Variants in EP400 observed in about 807,000 individuals in gnomAD.
The protein encoded by EP400 is E1A binding protein p400, also known as E1A-binding protein p400.
A neutral mutation model predicts 354.1 loss-of-function variants in EP400; 105 were observed. The ratio of observed to expected loss-of-function variants is 0.30; its 90% CI spans 0.25 to 0.35. The LOEUF is 0.35. EP400 is among the 10% of genes least tolerant of loss of function. The probability of loss-of-function intolerance (pLI) is 1.00; values close to 1 mark genes in which losing one functional copy is unlikely to be tolerated. For synonymous variants in EP400, 1,646 were observed against 1,716.9 expected, an observed-to-expected ratio of 0.96 and a Z score of 1.02; for missense variants, 3,280 against 4,121.0, an observed-to-expected ratio of 0.80 and a Z score of 5.59.
At chr12:131,996,951 C>T (rs969171526) in intron 12 of EP400, among the ~76,000 whole-genome samples, 27 of 152,112 alleles carry the variant, frequency 1.8e-4, no homozygotes, top group African/African-American at 5.6e-4. Context: ...CGATGAAAGG[C>T]GTTCTTAATT....
intron 12 of EP400, among the ~76,000 whole-genome samples, chr12:131,995,453 A>G (rs1185975541): frequency 1.9e-4 from 25 of 130,660 alleles, no homozygotes; most frequent in South Asian, 2.5e-4. Context: ...GACTGAATGT[A>G]CCGTTCATCT....
Position 132,016,940 on chromosome 12 carries a change from G to A in EP400, c.3924-595G>A, listed in dbSNP as rs564264827. Among the ~76,000 whole-genome samples, 5 of 152,224 alleles carry A rather than the reference G, an allele frequency of 3.3e-5. No homozygotes were observed. The East Asian group carries it at 5.8e-4, about 18-fold the overall frequency. ...TCTCTCTCCCGACCAGTTACCTGTC[G>A]TCACTATCACCCCGGTTTCCTCCCT... On this transcript the variant is annotated intron_variant, in intron 19 of 52. Coordinates refer to ENST00000389561, the MANE Select transcript of EP400 (RefSeq NM_015409.5).
chr12:132,044,303 T>C lies in EP400; in HGVS notation c.6577T>C (p.Tyr2193His), dbSNP rs1372802807. Residue 2193 changes from tyrosine to histidine, a missense_variant, in exon 35 of 53, where the codon TAC becomes CAC. Coordinates refer to ENST00000389561, the MANE Select transcript of EP400 (RefSeq NM_015409.5). ...ELLTYTREDA[Y>H]SMEYVYEDVD... Reference sequence around the variant, plus strand: ...CCTGACCTACACGCGAGAGGATGCCTACAGCATGGTACCCGGCCCGGGGCC... The same window carrying C: ...CCTGACCTACACGCGAGAGGATGCCCACAGCATGGTACCCGGCCCGGGGCC... 6.2e-7 allele frequency: 1 copy of C among 1,613,176 alleles called. No individual in the cohort carries two copies. Among genetic ancestry groups the C allele is most frequent in the African/African-American group, 1.3e-5 (1 of 75,050 alleles).
In EP400 at chr12:131,990,790, C is replaced by T; in HGVS notation, c.2629+76C>T. ...GATTCTTTTCTCAGCAGGCAGTCTC[C>T]TGGCGCTGTGGCTTCCCACAGAGGA... On this transcript the variant is annotated intron_variant, in intron 9 of 52. Coordinates refer to ENST00000389561, the MANE Select transcript of EP400 (RefSeq NM_015409.5). This position sits in a 1 kb window ranked among gnomAD's most constrained non-coding sequence, Gnocchi z 4.2. 1 of 1,117,506 alleles carries T rather than the reference C, an allele frequency of 8.9e-7. No homozygotes were observed. Among genetic ancestry groups the T allele is most frequent in the Non-Finnish European group, 1.3e-6 (1 of 754,982 alleles). 69.2% of individuals were successfully genotyped at this position (1,117,506 alleles called of 1,614,324 possible). A position where few individuals can be genotyped will look rare whatever the true frequency, so the allele number is the denominator to read the frequency against.
intron 1 of EP400, among the ~76,000 whole-genome samples, chr12:131,953,851 G>A (rs1358176476): frequency 6.6e-6 from 1 of 152,056 alleles, no homozygotes; most frequent in Non-Finnish European, 1.5e-5. Flanking sequence ...GGTGGCTCAC[G>A]CCTGTAATCC....
chr12:132,073,923 T>TTG (rs1286778474), intron 51 of EP400, among the ~76,000 whole-genome samples: 55 of 124,126 alleles, frequency 4.4e-4, no homozygotes, highest in South Asian at 1.4e-3. Flanking sequence ...TTTGGGGTTT[T>TTG]TTTTTTTTTT....
At position 131,987,098 on chromosome 12, in the gene EP400, T is replaced by C. The variant is rs75816093; in HGVS notation, c.2223+291T>C. ...GCAGTTAGGCGGAGAGGGACAAGCT[T>C]GAGCGCTGGGGCCCTGCAGGCTGTG... is the stretch of plus-strand genomic sequence containing the variant. On this transcript the variant is annotated intron_variant, in intron 6 of 52. Transcript: ENST00000389561. 8.5e-5 allele frequency among the ~76,000 whole-genome samples: 13 copies of C among 152,306 alleles called. No individual in the cohort carries two copies. In the East Asian group the frequency reaches 2.5e-3, roughly 29 times the overall value.
Position 131,978,177 on chromosome 12 carries a change from C to T in EP400, c.1336-1517C>T, listed in dbSNP as rs58590612. 1.1e-4 allele frequency among the ~76,000 whole-genome samples: 16 copies of T among 152,106 alleles called. No individual in the cohort carries two copies. In the East Asian group the frequency reaches 2.5e-3, roughly 24 times the overall value. ...AACTTTTAAAAAACATGATTTTTTA[C>T]GAGCAGTTTTAGGTTCACAGCAGAA... On this transcript the variant is annotated intron_variant, in intron 2 of 52. Coordinates refer to ENST00000389561, the MANE Select transcript of EP400 (RefSeq NM_015409.5).
At chr12:131,996,583 G>T (rs992005722) in intron 12 of EP400, among the ~76,000 whole-genome samples, 1 of 152,006 alleles carries the variant, frequency 6.6e-6, no homozygotes, top group South Asian at 2.1e-4. Flanking sequence ...GAGCCACCGC[G>T]CCCAGCCTAA....
intron 5 of EP400, among the ~76,000 whole-genome samples, chr12:131,984,917 A>G (rs1438116552): frequency 2.0e-5 from 3 of 149,704 alleles, no homozygotes; most frequent in African/African-American, 4.8e-5. Flanking sequence ...TTAGCTCTCT[A>G]AATAACTTTA....
chr12:132,054,939 C>T lies in EP400; in HGVS notation c.7729-35C>T, dbSNP rs371726781. On this transcript the variant is annotated intron_variant, in intron 43 of 52. Coordinates refer to ENST00000389561, the MANE Select transcript of EP400 (RefSeq NM_015409.5). The surrounding 1 kb of genome is among the most constrained non-coding windows in gnomAD (Gnocchi z 4.0). ...AGGATTTATGCAGGGGAGAGCCTGA[C>T]GTGAAATTCAAATGGATTTTTTTTT... 14 of 1,604,272 alleles carry T rather than the reference C, an allele frequency of 8.7e-6. No individual in the cohort carries two copies. Among genetic ancestry groups the T allele is most frequent in the East Asian group, 6.7e-5 (3 of 44,828 alleles).
At chr12:131,999,002 G>A (rs989465679) in intron 12 of EP400, among the ~76,000 whole-genome samples, 31 of 150,718 alleles carry the variant, frequency 2.1e-4, no homozygotes, top group East Asian at 4.0e-4. Context: ...TTTTCTTGCC[G>A]TTTTGTGCTA....
At chr12:132,016,044 C>T (rs1423509960) in intron 19 of EP400, among the ~76,000 whole-genome samples, 1 of 152,220 alleles carries the variant, frequency 6.6e-6, no homozygotes, top group African/African-American at 2.4e-5. Context: ...GGGCAAGTTG[C>T]CTTTCTGTTA....
At chr12:131,956,548 A>G (rs1040530201) in intron 1 of EP400, among the ~76,000 whole-genome samples, 41 of 152,280 alleles carry the variant, frequency 2.7e-4, no homozygotes, top group African/African-American at 9.1e-4. Context: ...GTAGATTTCT[A>G]GAAGTAGGGT....
chr12:131,995,043 A>G, intron 12 of EP400, 87 bp downstream of exon 12: 1 of 1,256,156 alleles, frequency 8.0e-7, no homozygotes, highest in Non-Finnish European at 1.1e-6. Context: ...ATATTGAGTA[A>G]CAACAGCAGC....
intron 45 of EP400, 131 bp downstream of exon 45, chr12:132,055,339 A>G (rs1461222462): frequency 3.9e-6 from 3 of 769,778 alleles, no homozygotes; most frequent in Non-Finnish European, 6.1e-6. Flanking sequence ...ATTTCATAAA[A>G]TAAGTAGCTG....
At chr12:132,003,666 A>G (rs1289910206) in intron 12 of EP400, among the ~76,000 whole-genome samples, 1 of 152,172 alleles carries the variant, frequency 6.6e-6, no homozygotes, top group Non-Finnish European at 1.5e-5. Flanking sequence ...CATATGCTGT[A>G]GTGGTGCATC....
intron 51 of EP400, among the ~76,000 whole-genome samples, chr12:132,072,255 C>T (rs1044277811): frequency 5.3e-5 from 8 of 152,204 alleles, no homozygotes; most frequent in Admixed American, 1.3e-4. Context: ...GCCACGATGC[C>T]GGGCTTTTGC....
At position 132,017,038 on chromosome 12, in the gene EP400, G is replaced by C. The variant is rs1893964687; in HGVS notation, c.3924-497G>C. ...ATGGTCCCATTTCCTGCCCAGCCCT[G>C]GTCCCAGTGTGCGTTGTAGGTCCTT... is the stretch of plus-strand genomic sequence containing the variant. On this transcript the variant is annotated intron_variant, in intron 19 of 52. Transcript: ENST00000389561. This position sits in a 1 kb window ranked among gnomAD's most constrained non-coding sequence, Gnocchi z 5.0. 6.6e-6 allele frequency among the ~76,000 whole-genome samples: 1 copy of C among 152,184 alleles called. No individual in the cohort carries two copies. Among genetic ancestry groups the C allele is most frequent in the South Asian group, 2.1e-4 (1 of 4,830 alleles).
Sources: gnomAD v4.1 joint callset for allele counts (sites outside exome capture counted in the v4.1 genomes callset) on GRCh38, gnomAD v4.1.1 for gene constraint, Gnocchi (gnomAD v3.1) non-coding constraint, MANE v1.5 for transcripts, NCBI Gene and HGNC (gene_info 2026-07-23, HGNC 2026-07-21) for gene names.